MRPS23: variants seen among roughly 807,000 people sequenced by gnomAD.
MRPS23 encodes mitochondrial ribosomal protein S23, also known as small ribosomal subunit protein mS23.
Under a neutral mutation model 19.8 loss-of-function variants are expected in MRPS23, and 14 were observed. The observed-to-expected ratio is 0.71, with a 90% CI of 0.47 to 1.11. MRPS23 has a LOEUF of 1.11. Among genes scored for constraint, MRPS23 ranks in the 50% least tolerant of loss-of-function variants. MRPS23 has a pLI of 0.00. For missense variants in MRPS23, 242 were observed against 236.7 expected, an observed-to-expected ratio of 1.02 and a Z score of -0.15; for synonymous variants, 113 against 89.7, an observed-to-expected ratio of 1.26 and a Z score of -1.47.
chr17:57,846,677 G>A (rs866044591), intron 2 of MRPS23, among the ~76,000 whole-genome samples: 1,575 of 152,124 alleles, frequency 0.01, 22 homozygotes, highest in African/African-American at 0.036. Flanking sequence ...GATTAAGGGC[G>A]GTGCAAGATG....
chr17:57,837,302 A>G lies in MRPS23; in HGVS notation c.*2481T>C, dbSNP rs2073711452. On this transcript the variant is annotated 3_prime_UTR_variant, in exon 5 of 5. Coordinates refer to ENST00000313608, the MANE Select transcript of MRPS23 (RefSeq NM_016070.4). ...TTGCTATGAGAGTATAGTTAAGCAC[A>G]ATTTCTATGGACGAAGATATCAAAA... The G allele has an allele frequency of 2.0e-5, 3 of 152,210 alleles. No homozygotes were observed. The South Asian group carries it at 6.2e-4, about 32-fold the overall frequency. The allele number at this position is 152,210 out of a possible 1,614,324, so 9.4% of individuals were successfully genotyped here.
In MRPS23 at chr17:57,849,386, C is replaced by A; in HGVS notation, c.69G>T (p.Gly23=). 6.2e-7 allele frequency: 1 copy of A among 1,614,030 alleles called. No homozygotes were observed. Among genetic ancestry groups the A allele is most frequent in the Non-Finnish European group, 8.5e-7 (1 of 1,180,022 alleles). ...FSRTRDLVRA[G]VLKEKPLWFD... is the part of the protein sequence containing the mutation. ...ACCACAGGGGCTTCTCCTTCAGCAC[C>A]CCGGCCCGAACCAGGTCCCGAGTCC... The change falls in exon 2 of 5, where the codon GGG becomes GGT. Residue 23 remains glycine (G), a synonymous_variant. Coordinates refer to ENST00000313608, the MANE Select transcript of MRPS23 (RefSeq NM_016070.4).
chr17:57,842,891 TACACACACACACACACAC>T lies in MRPS23; in HGVS notation c.216-1649_216-1632del, dbSNP rs35501487. On this transcript the variant is annotated intron_variant, in intron 2 of 4. Coordinates refer to ENST00000313608, the MANE Select transcript of MRPS23 (RefSeq NM_016070.4). Reference sequence around the variant, plus strand: ...AAAAAAAAAAAAAAATATATATATATACACACACACACACACACACACACACACACACACACACACACA... The same window carrying T: ...AAAAAAAAAAAAAAATATATATATATACACACACACACACACACACACACA... 7.7e-3 allele frequency among the ~76,000 whole-genome samples: 592 copies of T among 76,612 alleles called. 13 individuals are homozygous for T. Among genetic ancestry groups the T allele is most frequent in the African/African-American group, 0.028 (565 of 20,012 alleles). 50.3% of individuals were successfully genotyped at this position (76,612 alleles called of 152,430 possible).
At chr17:57,842,477 T>A (rs1157280955) in intron 2 of MRPS23, among the ~76,000 whole-genome samples, 3 of 152,218 alleles carry the variant, frequency 2.0e-5, no homozygotes, top group Admixed American at 2.0e-4. Flanking sequence ...TCTTGCCTTA[T>A]CAGTGCCATG....
rs2073702825 is a variant in MRPS23 at position 57,836,082 on chromosome 17, G to A, written c.*3701C>T. ...CGATTCTCCTGCCTCAGCCTGCCGA[G>A]TAGTTGGGATTACAGGAGGCTGCCA... On this transcript the variant is annotated 3_prime_UTR_variant, in exon 5 of 5. Coordinates refer to ENST00000313608, the MANE Select transcript of MRPS23 (RefSeq NM_016070.4). 1 of 151,770 alleles carries A rather than the reference G, an allele frequency of 6.6e-6. No individual in the cohort carries two copies. Among genetic ancestry groups the A allele is most frequent in the African/African-American group, 2.4e-5 (1 of 41,226 alleles). 9.4% of individuals were successfully genotyped at this position (151,770 alleles called of 1,614,324 possible).
intron 4 of MRPS23, 35 bp from the exon 5 acceptor site, chr17:57,839,970 TATC>T: frequency 1.2e-6 from 2 of 1,608,784 alleles, no homozygotes; most frequent in Non-Finnish European, 8.5e-7. Context: ...ACAGAGATGT[TATC>T]ATTTTCACTC....
rs879359479 is a variant in MRPS23, at chr17:57,839,659, AG to A, written c.*123del. ...CTTTGTGACAACCCAGAAATAACTA[AG>A]AGAAGGCAAACATAATACCTTAGAG... On this transcript the variant is annotated 3_prime_UTR_variant, in exon 5 of 5. Coordinates refer to ENST00000313608, the MANE Select transcript of MRPS23 (RefSeq NM_016070.4). The A allele has an allele frequency of 0.012, 15,331 of 1,242,714 alleles. 115 individuals carry two copies. Among genetic ancestry groups the A allele is most frequent in the Non-Finnish European group, 0.014 (13,149 of 917,202 alleles). The allele number at this position is 1,242,714 out of a possible 1,614,324, so 77.0% of individuals were successfully genotyped here.
Position 57,837,572 on chromosome 17 carries a change from T to C in MRPS23, c.*2211A>G, listed in dbSNP as rs2073712908. 2.0e-5 allele frequency: 3 copies of C among 152,122 alleles called. No homozygotes were observed. The highest frequency in any genetic ancestry group is 1.3e-4 in the Admixed American group (2 of 15,294). The allele number at this position is 152,122 out of a possible 1,614,324, so 9.4% of individuals were successfully genotyped here. On this transcript the variant is annotated 3_prime_UTR_variant, in exon 5 of 5. Transcript: ENST00000313608. Reference sequence around the variant, plus strand: ...ATGGCCTCAGGGAAGGGGAAAAGGGTGGCTGGGGAACAGGGGTGGGAGACT... The same window carrying C: ...ATGGCCTCAGGGAAGGGGAAAAGGGCGGCTGGGGAACAGGGGTGGGAGACT...
Position 57,841,009 on chromosome 17 carries a change from C to A in MRPS23, c.337G>T (p.Asp113Tyr), listed in dbSNP as rs760880323. 6.1e-5 allele frequency: 99 copies of A among 1,614,080 alleles called. No homozygotes were observed. Among genetic ancestry groups the A allele is most frequent in the Non-Finnish European group, 8.3e-5 (98 of 1,180,050 alleles). ...GTTTCCACAAATAACTTCTCTTCAT[C>A]TGTTTCTCCAAGTTTCTGTAGCTCA... ...YTELQKLGET[D>Y]EEKLFVETGK... is the part of the protein sequence containing the mutation. Residue 113 changes from aspartate (D) to tyrosine (Y), a missense_variant, in exon 4 of 5, where the codon GAT becomes TAT. Transcript: ENST00000313608.
At position 57,840,945 on chromosome 17, in the gene MRPS23, C is replaced by T. The variant is rs534757039; in HGVS notation, c.401G>A (p.Arg134Gln). Residue 134 changes from arginine to glutamine, a missense_variant, in exon 4 of 5, where the codon CGA (arginine) becomes CAA (glutamine). Arg to Gln is a conservative substitution (Grantham distance 43). Coordinates refer to ENST00000313608, the MANE Select transcript of MRPS23 (RefSeq NM_016070.4). ...ALLAEGVILR[R>Q]VGEARTQHGG... The stretch of plus-strand genomic sequence containing the variant: ...ACTCACAGTCCTTGCTTCGCCTACT[C>T]GTCTTAAAATGACACCTTCTGCCAA... The T allele has an allele frequency of 2.2e-5, 36 of 1,614,142 alleles. No individual in the cohort carries two copies. Among genetic ancestry groups the T allele is most frequent in the Admixed American group, 3.3e-5 (2 of 60,006 alleles).
intron 2 of MRPS23, among the ~76,000 whole-genome samples, chr17:57,842,764 T>C (rs2073746803): frequency 6.6e-6 from 1 of 151,514 alleles, no homozygotes; most frequent in Non-Finnish European, 1.5e-5. Flanking sequence ...GGCTCACGCA[T>C]ATAATCCCAC....
In MRPS23 at chr17:57,836,257, C is replaced by T. The variant is rs1242889201; in HGVS notation, c.*3526G>A. On this transcript the variant is annotated 3_prime_UTR_variant, in exon 5 of 5. Transcript: ENST00000313608. Reference sequence around the variant, plus strand: ...TGAGCCACCACGCCCACCCTATACTCTTAATAGGTAAATAATCATTACTAC... The same window carrying T: ...TGAGCCACCACGCCCACCCTATACTTTTAATAGGTAAATAATCATTACTAC... 6.6e-6 allele frequency: 1 copy of T among 152,068 alleles called. No homozygotes were observed. Among genetic ancestry groups the T allele is most frequent in the Non-Finnish European group, 1.5e-5 (1 of 68,024 alleles). The allele number at this position is 152,068 out of a possible 1,614,324, so 9.4% of individuals were successfully genotyped here.
In MRPS23 at chr17:57,837,490, T is replaced by C. The variant is rs529056396; in HGVS notation, c.*2293A>G. 41 of 152,266 alleles carry C rather than the reference T, an allele frequency of 2.7e-4. No individual in the cohort carries two copies. The highest frequency in any genetic ancestry group is 9.4e-4 in the African/African-American group (39 of 41,556). 9.4% of individuals were successfully genotyped at this position (152,266 alleles called of 1,614,324 possible). On this transcript the variant is annotated 3_prime_UTR_variant, in exon 5 of 5. Coordinates refer to ENST00000313608, the MANE Select transcript of MRPS23 (RefSeq NM_016070.4). Reference sequence around the variant, plus strand: ...GCAAGGTACAGAACAGTATGCATAGTGTCCTGTCCATGCCCAAAATATTTC... The same window carrying C: ...GCAAGGTACAGAACAGTATGCATAGCGTCCTGTCCATGCCCAAAATATTTC...
rs1288068818 is a variant in MRPS23, at chr17:57,839,616, T to C, written c.*167A>G. On this transcript the variant is annotated 3_prime_UTR_variant, in exon 5 of 5. Transcript: ENST00000313608. ...ATAAAAGTTCACATAACTGCTTCTG[T>C]CAAACCATGATACTGAGCTTTGTGA... is the stretch of plus-strand genomic sequence containing the variant. 1 of 752,174 alleles carries C rather than the reference T, an allele frequency of 1.3e-6. No individual in the cohort carries two copies. Among genetic ancestry groups the C allele is most frequent in the Non-Finnish European group, 2.0e-6 (1 of 498,592 alleles). 46.6% of individuals were successfully genotyped at this position (752,174 alleles called of 1,614,324 possible).
At chr17:57,848,911 G>C (rs1368257824) in intron 2 of MRPS23, 1 of 209,120 alleles carries the variant, frequency 4.8e-6, no homozygotes, top group African/African-American at 2.3e-5. Flanking sequence ...ATGGAAACAA[G>C]AATGCCTTCC....
rs1395565910 is a variant in MRPS23 at position 57,838,158 on chromosome 17, C to T, written c.*1625G>A. 6.6e-6 allele frequency: 1 copy of T among 151,432 alleles called. No homozygotes were observed. The allele number at this position is 151,432 out of a possible 1,614,324, so 9.4% of individuals were successfully genotyped here. A position where few individuals can be genotyped will look rare whatever the true frequency, so the allele number is the denominator to read the frequency against. ...TACAAAAATTAGCCGGGCGTCATAG[C>T]ATACACCTGTAATCCCAGCTACTTG... On this transcript the variant is annotated 3_prime_UTR_variant, in exon 5 of 5. Transcript: ENST00000313608.
intron 2 of MRPS23, among the ~76,000 whole-genome samples, chr17:57,843,593 C>T (rs567799108): frequency 2.0e-5 from 3 of 152,236 alleles, no homozygotes; most frequent in Non-Finnish European, 4.4e-5. Flanking sequence ...GTAATCAGCC[C>T]TCATGATGGG....
At chr17:57,840,335 C>T (rs1404010369) in intron 4 of MRPS23, among the ~76,000 whole-genome samples, 3 of 150,558 alleles carry the variant, frequency 2.0e-5, no homozygotes, top group African/African-American at 4.9e-5. Context: ...TGCAGTGAGC[C>T]AAGACTGCGC....
At position 57,841,067 on chromosome 17, in the gene MRPS23, A is replaced by T; in HGVS notation, c.294-15T>A. 6.2e-7 allele frequency: 1 copy of T among 1,613,560 alleles called. No homozygotes were observed. The highest frequency in any genetic ancestry group is 8.5e-7 in the Non-Finnish European group (1 of 1,179,702). On this transcript the variant is annotated splice_polypyrimidine_tract_variant and intron_variant, in intron 3 of 4. Coordinates refer to ENST00000313608, the MANE Select transcript of MRPS23 (RefSeq NM_016070.4). ...TCTCCACAAACCTGTAATTCCAAGC[A>T]GTCACATTTTAGGTATGTTTGTAAG...
Sources: allele counts gnomAD v4.1 joint callset (sites outside exome capture counted in the v4.1 genomes callset), GRCh38; gene constraint gnomAD v4.1.1; transcripts MANE v1.5; gene names NCBI Gene and HGNC (gene_info 2026-07-23, HGNC 2026-07-21).